The following DENND11 variants were observed in gnomAD, a reference collection of about 807,000 sequenced individuals.
DENND11 encodes the protein DENN domain containing 11.
DENND11 carries 34 observed loss-of-function variants against 49.2 expected under a neutral mutation model. That is an observed-to-expected ratio of 0.69 (90% CI 0.53 to 0.92). The LOEUF (loss-of-function observed/expected upper bound fraction) is 0.92, where lower values mean the gene tolerates loss of function less well. Ranked by LOEUF, DENND11 falls within the 40% of genes least tolerant of loss-of-function variation. The probability of loss-of-function intolerance (pLI) is 0.00; values close to 1 mark genes in which losing one functional copy is unlikely to be tolerated. For missense variants in DENND11, 475 were observed against 581.6 expected, an observed-to-expected ratio of 0.82 and a Z score of 1.88; for synonymous variants, 238 against 230.3, an observed-to-expected ratio of 1.03 and a Z score of -0.30.
intron 2 of DENND11, 137 bp downstream of exon 2, chr7:141,686,422 A>G: frequency 1.6e-6 from 1 of 631,912 alleles, no homozygotes; most frequent in South Asian, 1.9e-5. Context: ...AATGATGTAA[A>G]CACAAAACTA....
chr7:141,690,091 A>T (rs752493162), intron 1 of DENND11, among the ~76,000 whole-genome samples: 4 of 152,214 alleles, frequency 2.6e-5, no homozygotes, highest in Non-Finnish European at 5.9e-5. Context: ...TTTGGAAGTG[A>T]ATCAGTAGCC....
chr7:141,684,219 G>A (rs527698695), intron 3 of DENND11, among the ~76,000 whole-genome samples: 2 of 152,308 alleles, frequency 1.3e-5, no homozygotes, highest in South Asian at 2.1e-4. Flanking sequence ...TTACAGGCGT[G>A]AGCCACCATT....
chr7:141,664,150 C>T (rs755908948), intron 8 of DENND11, 22 bp downstream of exon 8: 1 of 1,559,846 alleles, frequency 6.4e-7, no homozygotes. Flanking sequence ...GGAGACTCCA[C>T]ATCCACGGCC....
intron 1 of DENND11, among the ~76,000 whole-genome samples, chr7:141,687,478 T>C (rs974406329): frequency 8.6e-5 from 13 of 151,822 alleles, no homozygotes; most frequent in Middle Eastern, 3.4e-3. Flanking sequence ...TTTTTTTTTT[T>C]CTCGAGACTG....
At chr7:141,665,377 CG>C in intron 5 of DENND11, 59 bp from the exon 6 acceptor site, 1 of 1,598,360 alleles carries the variant, frequency 6.3e-7, no homozygotes, top group East Asian at 2.3e-5. Context: ...CTTCCTCCCT[CG>C]GAGCCTGCGG....
At chr7:141,669,190 C>T (rs1328105405) in intron 4 of DENND11, among the ~76,000 whole-genome samples, 2 of 151,976 alleles carry the variant, frequency 1.3e-5, no homozygotes, top group Non-Finnish European at 2.9e-5. Flanking sequence ...TTATTTTTTT[C>T]CCTCTGAAAC....
Position 141,658,431 on chromosome 7 carries a change from G to A in DENND11, c.*4225C>T, listed in dbSNP as rs1015106427. 6.6e-6 allele frequency: 1 copy of A among 152,138 alleles called. No individual in the cohort carries two copies. Among genetic ancestry groups the A allele is most frequent in the Non-Finnish European group, 1.5e-5 (1 of 68,028 alleles). 9.4% of individuals were successfully genotyped at this position (152,138 alleles called of 1,614,324 possible). ...CCTGAAATGAGAGGGGATGGGACTGGGGTCAGCAGGATTCTCACCTCGGTC... is the reference window on the plus strand; with the variant it reads ...CCTGAAATGAGAGGGGATGGGACTGAGGTCAGCAGGATTCTCACCTCGGTC... On this transcript the variant is annotated 3_prime_UTR_variant, in exon 9 of 9. Transcript: ENST00000536163.
intron 2 of DENND11, 71 bp from the exon 3 acceptor site, chr7:141,685,707 C>CAA: frequency 6.5e-7 from 1 of 1,528,114 alleles, no homozygotes. Context: ...CTAAACAAAA[C>CAA]AAATGAACTG....
At chr7:141,673,457 A>G (rs1270212593) in intron 4 of DENND11, among the ~76,000 whole-genome samples, 1 of 152,156 alleles carries the variant, frequency 6.6e-6, no homozygotes, top group Admixed American at 6.5e-5. Context: ...CTCCTAAGGC[A>G]TCTTCCCAGA....
chr7:141,697,853 C>T (rs1044153224), intron 1 of DENND11, among the ~76,000 whole-genome samples: 1 of 152,158 alleles, frequency 6.6e-6, no homozygotes, highest in Non-Finnish European at 1.5e-5. Context: ...CATAGAAGCG[C>T]TCGGATACAT....
At position 141,658,757 on chromosome 7, in the gene DENND11, A is replaced by T. The variant is rs1797739839; in HGVS notation, c.*3899T>A. 2 of 152,148 alleles carry T rather than the reference A, an allele frequency of 1.3e-5. No individual in the cohort carries two copies. Among genetic ancestry groups the T allele is most frequent in the South Asian group, 4.2e-4 (2 of 4,780 alleles). 9.4% of individuals were successfully genotyped at this position (152,148 alleles called of 1,614,324 possible). On this transcript the variant is annotated 3_prime_UTR_variant, in exon 9 of 9. Transcript: ENST00000536163. ...GGCTATACAGTTTCGAAGGGAAATA[A>T]ATGGTCCCTCGGGTTTCTGCCTTTT...
chr7:141,684,835 T>A (rs1798207025), intron 3 of DENND11, among the ~76,000 whole-genome samples: 2 of 151,426 alleles, frequency 1.3e-5, no homozygotes, highest in South Asian at 4.2e-4. Flanking sequence ...ACCTGCATGA[T>A]GAAAAAAATG....
At chr7:141,679,370 A>C (rs1157248389) in intron 3 of DENND11, among the ~76,000 whole-genome samples, 1 of 152,276 alleles carries the variant, frequency 6.6e-6, no homozygotes, top group Non-Finnish European at 1.5e-5. Flanking sequence ...TTTTCAATTT[A>C]TACAAAGAAA....
At chr7:141,701,295 T>C (rs1798508622) in intron 1 of DENND11, among the ~76,000 whole-genome samples, 1 of 151,250 alleles carries the variant, frequency 6.6e-6, no homozygotes, top group Middle Eastern at 3.4e-3. Context: ...CTCAAAATAA[T>C]GCAGTCAGAG....
At chr7:141,682,445 T>A (rs1798162228) in intron 3 of DENND11, among the ~76,000 whole-genome samples, 1 of 152,208 alleles carries the variant, frequency 6.6e-6, no homozygotes, top group South Asian at 2.1e-4. Context: ...CCAGGCTACT[T>A]TGCTGTTGGG....
At chr7:141,693,787 A>G (rs1244412776) in intron 1 of DENND11, among the ~76,000 whole-genome samples, 1 of 152,212 alleles carries the variant, frequency 6.6e-6, no homozygotes, top group African/African-American at 2.4e-5. Context: ...CATTCTGGGA[A>G]AGGCAAAATT....
At chr7:141,687,342 G>T (rs1798258416) in intron 1 of DENND11, among the ~76,000 whole-genome samples, 1 of 152,158 alleles carries the variant, frequency 6.6e-6, no homozygotes, top group Admixed American at 6.5e-5. Flanking sequence ...TGAGCTAGAT[G>T]CTGGAGATAC....
At chr7:141,692,766 G>C (rs1041197925) in intron 1 of DENND11, among the ~76,000 whole-genome samples, 1 of 152,232 alleles carries the variant, frequency 6.6e-6, no homozygotes, top group African/African-American at 2.4e-5. Flanking sequence ...GATCACTTGA[G>C]CCCAGGAGTT....
At chr7:141,687,827 G>A (rs1414303190) in intron 1 of DENND11, among the ~76,000 whole-genome samples, 1 of 151,982 alleles carries the variant, frequency 6.6e-6, no homozygotes, top group Non-Finnish European at 1.5e-5. Flanking sequence ...GTGGAGACGG[G>A]GTTTCACCAT....
Sources: allele counts gnomAD v4.1 joint callset (sites outside exome capture counted in the v4.1 genomes callset), GRCh38; gene constraint gnomAD v4.1.1; transcripts MANE v1.5; gene names NCBI Gene and HGNC (gene_info 2026-07-23, HGNC 2026-07-21).